Variants in PRSS12 observed in about 807,000 individuals in gnomAD.
The protein encoded by PRSS12 is serine protease 12.
In PRSS12, 85 loss-of-function variants were observed where a neutral mutation model predicts 104.4. That is an observed-to-expected ratio of 0.81 (90% confidence interval 0.68 to 0.98). The LOEUF is 0.98. Among genes scored for constraint, PRSS12 ranks in the 50% least tolerant of loss-of-function variants. PRSS12 has a pLI of 0.00. For synonymous variants in PRSS12, 454 were observed against 425.2 expected (o/e 1.07, Z -0.83); for missense variants, 1,141 against 1,139.2 (o/e 1.00, Z -0.02).
intron 11 of PRSS12, among the ~76,000 whole-genome samples, chr4:118,286,163 A>C (rs1578901174): frequency 6.6e-6 from 1 of 152,212 alleles, no homozygotes; most frequent in African/African-American, 2.4e-5. Context: ...TGCTGCCGCC[A>C]GAGTGATGTT....
At chr4:118,306,795 C>T (rs1388354686) in intron 8 of PRSS12, among the ~76,000 whole-genome samples, 1 of 151,998 alleles carries the variant, frequency 6.6e-6, no homozygotes, top group Non-Finnish European at 1.5e-5. Flanking sequence ...AGTAATAACA[C>T]ACGACTACAT....
intron 1 of PRSS12, among the ~76,000 whole-genome samples, chr4:118,346,828 C>G (rs1432659251): frequency 6.6e-6 from 1 of 152,174 alleles, no homozygotes; most frequent in Non-Finnish European, 1.5e-5. Context: ...AGGTTGCATG[C>G]TCCTTATGAG....
In PRSS12 at chr4:118,294,770, A is replaced by G. The variant is rs186450036; in HGVS notation, c.2039+169T>C. The stretch of plus-strand genomic sequence containing the variant: ...CACCAGGGTAGCAAGTGGCCTTCTA[A>G]GGGCTCTCTTTGCTCCTTTTGTCAC... On this transcript the variant is annotated intron_variant, in intron 11 of 12. Coordinates refer to ENST00000296498, the MANE Select transcript of PRSS12 (RefSeq NM_003619.4). Among the ~76,000 whole-genome samples the G allele has an allele frequency of 2.2e-3, 333 of 152,228 alleles. 1 individual carries two copies. Among genetic ancestry groups the G allele is most frequent in the African/African-American group, 7.4e-3 (306 of 41,534 alleles).
Position 118,352,905 on chromosome 4 carries a change from G to C in PRSS12, c.-185C>G, listed in dbSNP as rs535642797. On this transcript the variant is annotated 5_prime_UTR_variant, in exon 1 of 13. Transcript: ENST00000296498. ...GCCGCTGGTGCCCTGCCGCGCCTCG[G>C]CTCCTGTCCCCTGGCGGCGGCCGCG... 29 of 1,376,286 alleles carry C rather than the reference G, an allele frequency of 2.1e-5. No homozygotes were observed. The African/African-American group carries it at 3.5e-4, about 17-fold the overall frequency. 85.3% of individuals were successfully genotyped at this position (1,376,286 alleles called of 1,614,324 possible).
At chr4:118,304,488 A>G (rs907424465) in intron 8 of PRSS12, among the ~76,000 whole-genome samples, 1 of 152,024 alleles carries the variant, frequency 6.6e-6, no homozygotes, top group Non-Finnish European at 1.5e-5. Context: ...GATATCAGAT[A>G]CACTTAATTT....
At chr4:118,335,947 A>G (rs1444246836) in intron 2 of PRSS12, among the ~76,000 whole-genome samples, 1 of 152,214 alleles carries the variant, frequency 6.6e-6, no homozygotes, top group South Asian at 2.1e-4. Flanking sequence ...AGACATAAAA[A>G]GTAAGGCTGT....
chr4:118,313,073 T>C (rs1251877402), intron 7 of PRSS12, 128 bp downstream of exon 7: 1 of 1,008,710 alleles, frequency 9.9e-7, no homozygotes, highest in Admixed American at 2.4e-5. Context: ...TTACTGAAAA[T>C]TAGACAGTTA....
At chr4:118,328,993 C>T (rs1723852602) in intron 4 of PRSS12, among the ~76,000 whole-genome samples, 1 of 152,114 alleles carries the variant, frequency 6.6e-6, no homozygotes, top group Non-Finnish European at 1.5e-5. Context: ...GGGGTTTCAC[C>T]ATGTTGGGCA....
At chr4:118,343,006 TATCA>T in intron 1 of PRSS12, among the ~76,000 whole-genome samples, 1 of 152,092 alleles carries the variant, frequency 6.6e-6, no homozygotes, top group East Asian at 1.9e-4. Context: ...TTAACCATCT[TATCA>T]GTCTCAGTCA....
In PRSS12 at chr4:118,282,022, AC is replaced by A. The variant is rs763434880; in HGVS notation, c.2541del (p.Tyr848MetfsTer22). The A allele has an allele frequency of 1.2e-6, 2 of 1,611,094 alleles. No individual in the cohort carries two copies. Among genetic ancestry groups the A allele is most frequent in the Admixed American group, 1.7e-5 (1 of 59,964 alleles). On this transcript the variant is annotated frameshift_variant, in exon 13 of 13. Coordinates refer to ENST00000296498, the MANE Select transcript of PRSS12 (RefSeq NM_003619.4). LOFTEE classifies it high-confidence loss of function. ...SWVVYGVTSW[G>X]YGCGVKDSPG... Reference sequence around the variant, plus strand: ...GGAGAATCCTTGACTCCACAGCCATACCCCCAGGAGGTCACCCCATACACCA... The same window carrying A: ...GGAGAATCCTTGACTCCACAGCCATACCCCAGGAGGTCACCCCATACACCA...
At position 118,281,819 on chromosome 4, in the gene PRSS12, C is replaced by G. The variant is rs1390613752; in HGVS notation, c.*117G>C. On this transcript the variant is annotated 3_prime_UTR_variant, in exon 13 of 13. Transcript: ENST00000296498. ...GCAGCAGGGGGTACACAATTTTTTA[C>G]CACAACACAAAGCAAAAACAGATCT... The G allele has an allele frequency of 3.9e-5, 29 of 735,634 alleles. No homozygotes were observed. In the East Asian group the frequency reaches 6.8e-4, roughly 17 times the overall value. The allele number at this position is 735,634 out of a possible 1,614,324, so 45.6% of individuals were successfully genotyped here. A position where few individuals can be genotyped will look rare whatever the true frequency, so the allele number is the denominator to read the frequency against.
chr4:118,313,013 T>G, intron 7 of PRSS12, 188 bp downstream of exon 7: 1 of 660,810 alleles, frequency 1.5e-6, no homozygotes, highest in Non-Finnish European at 2.5e-6. Flanking sequence ...GGTAGAAATT[T>G]CATAATGTTG....
intron 8 of PRSS12, among the ~76,000 whole-genome samples, chr4:118,308,191 G>C (rs1381059614): frequency 1.3e-5 from 2 of 152,184 alleles, no homozygotes; most frequent in Non-Finnish European, 2.9e-5. Flanking sequence ...AGAGTTATTA[G>C]ACTATTTTGT....
intron 5 of PRSS12, among the ~76,000 whole-genome samples, chr4:118,317,135 A>G (rs1285515853): frequency 6.6e-6 from 1 of 152,062 alleles, no homozygotes; most frequent in Non-Finnish European, 1.5e-5. Flanking sequence ...GTCAATGCAT[A>G]TATTATTTGT....
At chr4:118,326,638 T>G (rs1195198462) in intron 4 of PRSS12, among the ~76,000 whole-genome samples, 1 of 152,196 alleles carries the variant, frequency 6.6e-6, no homozygotes, top group East Asian at 1.9e-4. Context: ...TTGACTTCCT[T>G]ATTTCTTTCA....
intron 1 of PRSS12, among the ~76,000 whole-genome samples, chr4:118,347,795 C>A (rs1724395139): frequency 6.6e-6 from 1 of 152,210 alleles, no homozygotes; most frequent in African/African-American, 2.4e-5. Context: ...CTCAAGTGAT[C>A]CCCTTGCCCC....
At chr4:118,299,878 G>C (rs1743364443) in intron 8 of PRSS12, among the ~76,000 whole-genome samples, 2 of 147,978 alleles carry the variant, frequency 1.4e-5, no homozygotes, top group South Asian at 4.2e-4. Context: ...CTACTCTGGA[G>C]GCTGAGGCAG....
intron 8 of PRSS12, chr4:118,303,209 A>G (rs1396947683): frequency 6.6e-6 from 1 of 152,148 alleles, no homozygotes; most frequent in East Asian, 1.9e-4. Context: ...AGAAAAGATG[A>G]AAATTGAAAA....
intron 11 of PRSS12, among the ~76,000 whole-genome samples, chr4:118,287,117 T>C (rs1344312141): frequency 6.6e-6 from 1 of 152,172 alleles, no homozygotes; most frequent in Non-Finnish European, 1.5e-5. Flanking sequence ...TTAGTTCATA[T>C]GTATATATGG....
Sources: allele counts gnomAD v4.1 joint callset (sites outside exome capture counted in the v4.1 genomes callset), GRCh38; gene constraint gnomAD v4.1.1; transcripts MANE v1.5; gene names NCBI Gene and HGNC (gene_info 2026-07-23, HGNC 2026-07-21).